CYRIA: variants seen among roughly 807,000 people sequenced by gnomAD.
CYRIA encodes the protein CYFIP related Rac1 interactor A.
CYRIA carries 15 observed loss-of-function variants against 43.9 expected under a neutral mutation model. That is an observed-to-expected ratio of 0.34 (90% confidence interval 0.23 to 0.53). The LOEUF is 0.53. Among genes scored for constraint, CYRIA ranks in the 20% least tolerant of loss-of-function variants. CYRIA has a pLI of 0.94. For missense variants in CYRIA, 236 were observed against 394.2 expected, an observed-to-expected ratio of 0.60 and a Z score of 3.40; for synonymous variants, 117 against 136.0, an observed-to-expected ratio of 0.86 and a Z score of 0.97.
chr2:16,616,544 G>A (rs1244925513), intron 2 of CYRIA, among the ~76,000 whole-genome samples: 1 of 152,154 alleles, frequency 6.6e-6, no homozygotes, highest in Non-Finnish European at 1.5e-5. Flanking sequence ...TTGTCTGAAG[G>A]GCACAGATGG....
At chr2:16,560,060 T>G (rs1666673318) in intron 9 of CYRIA, among the ~76,000 whole-genome samples, 1 of 152,172 alleles carries the variant, frequency 6.6e-6, no homozygotes, top group South Asian at 2.1e-4. Context: ...CTTAAAAAAC[T>G]ATGTATCATT....
chr2:16,659,510 G>A (rs931432652), intron 1 of CYRIA, among the ~76,000 whole-genome samples: 3 of 152,176 alleles, frequency 2.0e-5, no homozygotes, highest in South Asian at 2.1e-4. Context: ...TCAGGAGATC[G>A]ACAGCTTGTC....
chr2:16,664,899 A>C (rs891670459), intron 1 of CYRIA, among the ~76,000 whole-genome samples: 23 of 152,160 alleles, frequency 1.5e-4, no homozygotes, highest in African/African-American at 5.6e-4. Flanking sequence ...TGGACACAGA[A>C]AGATTGCTCC....
intron 3 of CYRIA, among the ~76,000 whole-genome samples, chr2:16,579,842 C>T (rs1244490284): frequency 1.3e-5 from 2 of 151,716 alleles, no homozygotes; most frequent in Non-Finnish European, 1.5e-5. Context: ...TAATGCAATA[C>T]AATAATTAAT....
chr2:16,555,108 T>G lies in CYRIA; in HGVS notation c.869A>C (p.Gln290Pro). 1 of 1,613,220 alleles carries G rather than the reference T, an allele frequency of 6.2e-7. No homozygotes were observed. Among genetic ancestry groups the G allele is most frequent in the Non-Finnish European group, 8.5e-7 (1 of 1,179,622 alleles). Reference protein sequence around the residue: ...MKGCIKVLKEQAPDSVEGLLN... With the variant: ...MKGCIKVLKEPAPDSVEGLLN... ...CAGCCCCTCCACACTGTCTGGGGCC[T>G]GCTCCTTCAAAACTTTTATGCAGCC... Residue 290 changes from glutamine (Q) to proline (P), a missense_variant, in exon 11 of 12, where the codon CAG (glutamine) becomes CCG (proline). Gln to Pro is a moderately conservative substitution (Grantham distance 76, BLOSUM62 -1). Coordinates refer to ENST00000381323, the MANE Select transcript of CYRIA (RefSeq NM_030797.4).
intron 3 of CYRIA, among the ~76,000 whole-genome samples, chr2:16,577,104 C>T (rs942522320): frequency 2.0e-5 from 3 of 152,008 alleles, no homozygotes; most frequent in South Asian, 2.1e-4. Flanking sequence ...AACAACTTGC[C>T]TACAGTTAAA....
At chr2:16,624,643 G>C (rs1251090125) in intron 1 of CYRIA, among the ~76,000 whole-genome samples, 1 of 152,120 alleles carries the variant, frequency 6.6e-6, no homozygotes, top group Non-Finnish European at 1.5e-5. Context: ...ACGTTTCAGA[G>C]AAACACAGCA....
At chr2:16,642,047 T>C (rs1025060767) in intron 1 of CYRIA, among the ~76,000 whole-genome samples, 2 of 152,214 alleles carry the variant, frequency 1.3e-5, no homozygotes, top group African/African-American at 4.8e-5. Flanking sequence ...TTCTTAATAT[T>C]GGCACTTCCC....
At chr2:16,653,478 C>T (rs976976737) in intron 1 of CYRIA, among the ~76,000 whole-genome samples, 2 of 152,236 alleles carry the variant, frequency 1.3e-5, no homozygotes, top group African/African-American at 4.8e-5. Flanking sequence ...TCCACCCATC[C>T]TTCTGTATAC....
intron 10 of CYRIA, among the ~76,000 whole-genome samples, chr2:16,557,095 T>G (rs985128653): frequency 6.6e-6 from 1 of 152,090 alleles, no homozygotes; most frequent in Non-Finnish European, 1.5e-5. Flanking sequence ...TTTCAAAAGA[T>G]TCTAAGGAAA....
Position 16,663,966 on chromosome 2 carries a change from T to G in CYRIA, c.-167+1814A>C, listed in dbSNP as rs58946469. On this transcript the variant is annotated intron_variant, in intron 1 of 11. Coordinates refer to ENST00000381323, the MANE Select transcript of CYRIA (RefSeq NM_030797.4). Reference sequence around the variant, plus strand: ...CATTGAACCAAAACTGAGGGCTGACTGTGTGCTCAAATCAATGTGACCTTA... The same window carrying G: ...CATTGAACCAAAACTGAGGGCTGACGGTGTGCTCAAATCAATGTGACCTTA... Among the ~76,000 whole-genome samples the G allele has an allele frequency of 3.3e-3, 497 of 152,306 alleles. 3 individuals carry two copies. The highest frequency in any genetic ancestry group is 0.011 in the African/African-American group (446 of 41,556).
chr2:16,626,493 G>A (rs553932917), intron 1 of CYRIA, among the ~76,000 whole-genome samples: 93 of 152,162 alleles, frequency 6.1e-4, no homozygotes, highest in African/African-American at 2.0e-3. Context: ...ACAAAGGCTC[G>A]CCAAGGGCAG....
intron 1 of CYRIA, among the ~76,000 whole-genome samples, chr2:16,629,812 C>G (rs1391923691): frequency 2.0e-5 from 3 of 152,172 alleles, no homozygotes; most frequent in Non-Finnish European, 4.4e-5. Flanking sequence ...TATCTTCTTA[C>G]GGGTTACCAT....
intron 2 of CYRIA, among the ~76,000 whole-genome samples, chr2:16,600,179 T>C (rs1668155579): frequency 6.6e-6 from 1 of 152,212 alleles, no homozygotes; most frequent in Admixed American, 6.5e-5. Context: ...ATACTTCTAC[T>C]GAAAAGAAAT....
intron 1 of CYRIA, among the ~76,000 whole-genome samples, chr2:16,633,543 CTTTTTTTTTTTTTTTT>C (rs755223919): frequency 9.7e-5 from 9 of 92,320 alleles, no homozygotes; most frequent in Non-Finnish European, 1.5e-4. Context: ...CTATCCCTGG[CTTTTTTTTTTTTTTTT>C]TTTTTTTTTT....
chr2:16,571,435 G>A (rs1401256447), intron 3 of CYRIA, among the ~76,000 whole-genome samples: 2 of 152,214 alleles, frequency 1.3e-5, no homozygotes, highest in Admixed American at 6.5e-5. Context: ...CACAGGGCAC[G>A]ACAGCAGGGC....
intron 1 of CYRIA, among the ~76,000 whole-genome samples, chr2:16,643,724 C>T (rs1193537004): frequency 6.6e-6 from 1 of 152,178 alleles, no homozygotes; most frequent in African/African-American, 2.4e-5. Context: ...GTGTTGCCCA[C>T]TGTTATGTTC....
rs1238160141 is a variant in CYRIA at position 16,661,067 on chromosome 2, G to C, written c.-167+4713C>G. ...GGAGGCCAAAGCGGAAGGACTGCTT[G>C]AGCCCAGGAGTTCAAGACCAGCCTG... On this transcript the variant is annotated intron_variant, in intron 1 of 11. Coordinates refer to ENST00000381323, the MANE Select transcript of CYRIA (RefSeq NM_030797.4). Among the ~76,000 whole-genome samples the C allele has an allele frequency of 3.3e-5, 5 of 152,144 alleles. No individual in the cohort carries two copies. The East Asian group carries it at 7.7e-4, about 23-fold the overall frequency.
chr2:16,640,139 A>C (rs189487847), intron 1 of CYRIA, among the ~76,000 whole-genome samples: 1 of 152,260 alleles, frequency 6.6e-6, no homozygotes, highest in Non-Finnish European at 1.5e-5. Flanking sequence ...ACACACACAC[A>C]TCCTTGCAAA....
Sources: allele counts gnomAD v4.1 joint callset (sites outside exome capture counted in the v4.1 genomes callset), GRCh38; gene constraint gnomAD v4.1.1; transcripts MANE v1.5; gene names NCBI Gene and HGNC (gene_info 2026-07-23, HGNC 2026-07-21).